UEVLD: variants seen among roughly 807,000 people sequenced by gnomAD.
The protein encoded by UEVLD is ubiquitin-conjugating enzyme E2 variant 3.
UEVLD carries 47 observed loss-of-function variants against 58.6 expected under a neutral mutation model. That is an observed-to-expected ratio of 0.80 (90% CI 0.63 to 1.02). UEVLD has a LOEUF of 1.02. Ranked by LOEUF, UEVLD falls within the 50% of genes least tolerant of loss-of-function variation. UEVLD has a pLI of 0.00. For synonymous variants in UEVLD, 197 were observed against 195.3 expected, an observed-to-expected ratio of 1.01 and a Z score of -0.07; for missense variants, 510 against 550.6, an observed-to-expected ratio of 0.93 and a Z score of 0.74.
At chr11:18,587,430 C>T (rs1438428333) in intron 1 of UEVLD, among the ~76,000 whole-genome samples, 1 of 152,130 alleles carries the variant, frequency 6.6e-6, no homozygotes, top group Non-Finnish European at 1.5e-5. Context: ...ATGTAAACTG[C>T]CCCAACAAAG....
chr11:18,561,977 T>C (rs1252834540), intron 6 of UEVLD, among the ~76,000 whole-genome samples: 1 of 152,202 alleles, frequency 6.6e-6, no homozygotes, highest in Non-Finnish European at 1.5e-5. Flanking sequence ...TTGCTGCTGC[T>C]ACCACCACTA....
intron 9 of UEVLD, 128 bp downstream of exon 9, chr11:18,544,495 A>G (rs1167353930): frequency 1.3e-5 from 12 of 943,446 alleles, no homozygotes; most frequent in Non-Finnish European, 1.9e-5. Context: ...TTTTGTAGAG[A>G]TGGGGTCTTG....
chr11:18,549,052 A>G (rs10832942), intron 7 of UEVLD, among the ~76,000 whole-genome samples: 24,477 of 152,260 alleles, frequency 0.16, 2,591 homozygotes, highest in East Asian at 0.41. Context: ...TCTAATCAAC[A>G]ATACACAATG....
intron 7 of UEVLD, among the ~76,000 whole-genome samples, chr11:18,551,405 C>T (rs867297864): frequency 2.9e-4 from 33 of 112,472 alleles, no homozygotes; most frequent in Admixed American, 2.1e-3. Flanking sequence ...CCTGGGCAAC[C>T]GAGTAAGACT....
chr11:18,575,411 A>T lies in UEVLD; in HGVS notation c.129T>A (p.Val43=). The T allele has an allele frequency of 6.3e-7, 1 of 1,590,910 alleles. No individual in the cohort carries two copies. Among genetic ancestry groups the T allele is most frequent in the Non-Finnish European group, 8.5e-7 (1 of 1,174,408 alleles). ...GGTCTTTCTGAGAACTATCTTTAAAAACTAGAAGAAAAAAAAAAAAGCCCC... is the reference window on the plus strand; with the variant it reads ...GGTCTTTCTGAGAACTATCTTTAAATACTAGAAGAAAAAAAAAAAAGCCCC... ...PHFKYSMDTY[V]FKDSSQKDLL... Residue 43 remains valine (V), a splice_region_variant and synonymous_variant, in exon 3 of 12, where the codon GTT becomes GTA. Transcript: ENST00000396197.
intron 3 of UEVLD, among the ~76,000 whole-genome samples, chr11:18,572,801 T>C (rs546346938): frequency 8.5e-6 from 1 of 118,144 alleles, no homozygotes; most frequent in Admixed American, 9.4e-5. Flanking sequence ...CAAAACTCCA[T>C]CTCAAAAAAA....
intron 6 of UEVLD, among the ~76,000 whole-genome samples, chr11:18,559,270 C>T (rs1450885847): frequency 1.3e-5 from 2 of 152,178 alleles, no homozygotes; most frequent in African/African-American, 4.8e-5. Flanking sequence ...ACGAGCTCAG[C>T]TCACTGCAAC....
At position 18,532,443 on chromosome 11, in the gene UEVLD, G is replaced by A; in HGVS notation, c.1293C>T (p.Cys431=). The change falls in exon 12 of 12, where the codon TGC becomes TGT. Residue 431 remains cysteine, a synonymous_variant. Transcript: ENST00000396197. ...INSEVFLSLP[C]ILGTNGVSEV... The stretch of plus-strand genomic sequence containing the variant: ...CAGATACTCCATTGGTTCCAAGGAT[G>A]CAAGGCAAACTTAAAAACACTTCAC... 1 of 1,612,788 alleles carries A rather than the reference G, an allele frequency of 6.2e-7. No homozygotes were observed. Among genetic ancestry groups the A allele is most frequent in the African/African-American group, 1.3e-5 (1 of 74,946 alleles).
chr11:18,546,802 G>T, intron 8 of UEVLD, 78 bp downstream of exon 8: 1 of 1,545,064 alleles, frequency 6.5e-7, no homozygotes, highest in Non-Finnish European at 8.8e-7. Context: ...AGGCCCTAAA[G>T]TTTTATGGTT....
intron 9 of UEVLD, among the ~76,000 whole-genome samples, chr11:18,538,221 T>C (rs951245914): frequency 5.3e-5 from 8 of 152,218 alleles, no homozygotes; most frequent in African/African-American, 1.9e-4. Flanking sequence ...TCAAACTGAT[T>C]ATAAGCTCCC....
chr11:18,564,920 A>G lies in UEVLD; in HGVS notation c.584T>C (p.Ile195Thr). ...TGCTGAAATTGCTAATGTGCAGGCA[A>G]TACCGAGTTCTCCACCTCCAACCAC... is the stretch of plus-strand genomic sequence containing the variant. ...ITVVGGGELG[I>T]ACTLAISAKG... The change falls in exon 6 of 12, where the codon ATT (isoleucine) becomes ACT (threonine). Residue 195 changes from isoleucine (I) to threonine (T), a missense_variant. By Grantham distance (89) the Ile-to-Thr change is moderately conservative. Coordinates refer to ENST00000396197, the MANE Select transcript of UEVLD (RefSeq NM_001040697.4). 6.2e-7 allele frequency: 1 copy of G among 1,612,788 alleles called. No homozygotes were observed. The highest frequency in any genetic ancestry group is 8.5e-7 in the Non-Finnish European group (1 of 1,179,334).
intron 7 of UEVLD, among the ~76,000 whole-genome samples, chr11:18,557,397 C>T (rs1851799020): frequency 6.6e-6 from 1 of 152,084 alleles, no homozygotes; most frequent in Non-Finnish European, 1.5e-5. Context: ...CGTGATCTGC[C>T]TGCGTCGGCT....
intron 11 of UEVLD, 21 bp downstream of exon 11, chr11:18,534,307 AAG>A (rs567670127): frequency 1.0e-5 from 15 of 1,460,518 alleles, no homozygotes; most frequent in Non-Finnish European, 1.4e-5. Context: ...AAAATATAAT[AAG>A]AGAATAAGAA....
At chr11:18,544,422 C>T (rs1274193437) in intron 9 of UEVLD, among the ~76,000 whole-genome samples, 2 of 152,212 alleles carry the variant, frequency 1.3e-5, no homozygotes. Context: ...GATCCTCCCA[C>T]TCAGTCTCCT....
At chr11:18,586,584 A>AATCAT (rs1853572866) in intron 1 of UEVLD, among the ~76,000 whole-genome samples, 1 of 152,072 alleles carries the variant, frequency 6.6e-6, no homozygotes, top group African/African-American at 2.4e-5. Context: ...GCAGTGGCAC[A>AATCAT]ATCATAGCTC....
Position 18,538,106 on chromosome 11 carries a change from A to G in UEVLD, c.1061-1637T>C, listed in dbSNP as rs1007984624. Among the ~76,000 whole-genome samples, 3 of 152,216 alleles carry G rather than the reference A, an allele frequency of 2.0e-5. No homozygotes were observed. In the East Asian group the frequency reaches 5.8e-4, roughly 29 times the overall value. ...AAACAAAAATACTTGTGGCTATAGAATAATATGTTTAAGATACAAGAATTC... is the reference window on the plus strand; with the variant it reads ...AAACAAAAATACTTGTGGCTATAGAGTAATATGTTTAAGATACAAGAATTC... On this transcript the variant is annotated intron_variant, in intron 9 of 11. Transcript: ENST00000396197.
At chr11:18,551,293 C>T (rs934222596) in intron 7 of UEVLD, among the ~76,000 whole-genome samples, 13 of 151,832 alleles carry the variant, frequency 8.6e-5, no homozygotes, top group African/African-American at 2.9e-4. Context: ...CGTGGTGACA[C>T]GTGCCTGTAA....
chr11:18,563,036 A>G (rs1319577422), intron 6 of UEVLD, among the ~76,000 whole-genome samples: 3 of 151,416 alleles, frequency 2.0e-5, no homozygotes, highest in Non-Finnish European at 4.4e-5. Context: ...ACAGAGAGAA[A>G]CCTGGTCTCA....
chr11:18,550,596 AT>A lies in UEVLD; in HGVS notation c.716-3547del, dbSNP rs1851483461. On this transcript the variant is annotated intron_variant, in intron 7 of 11. Coordinates refer to ENST00000396197, the MANE Select transcript of UEVLD (RefSeq NM_001040697.4). ...TCCAATCCCAGAAGAACCAGCAACT[AT>A]CTCAATCCTAATCAGTTGAAAGCAA... is the stretch of plus-strand genomic sequence containing the variant. Among the ~76,000 whole-genome samples, 3 of 152,286 alleles carry A rather than the reference AT, an allele frequency of 2.0e-5. No homozygotes were observed. In the South Asian group the frequency reaches 6.2e-4, roughly 32 times the overall value.
Sources: allele counts gnomAD v4.1 joint callset (sites outside exome capture counted in the v4.1 genomes callset), GRCh38; gene constraint gnomAD v4.1.1; transcripts MANE v1.5; gene names NCBI Gene and HGNC (gene_info 2026-07-23, HGNC 2026-07-21).